The following PRKCH variants were observed in gnomAD, a reference collection of about 807,000 sequenced individuals.
PRKCH encodes the protein protein kinase C eta, also known as protein kinase C eta type.
Under a neutral mutation model 82.5 loss-of-function variants are expected in PRKCH, and 28 were observed. That is an observed-to-expected ratio of 0.34 (90% CI 0.25 to 0.47). The LOEUF (loss-of-function observed/expected upper bound fraction) is 0.47. PRKCH is among the 20% of genes least tolerant of loss of function. PRKCH has a pLI of 1.00. For synonymous variants in PRKCH, 322 were observed against 327.4 expected (o/e 0.98, Z 0.18); for missense variants, 705 against 881.8 (o/e 0.80, Z 2.54).
intron 1 of PRKCH, among the ~76,000 whole-genome samples, chr14:61,235,929 C>T (rs2044784124): frequency 1.3e-5 from 2 of 152,176 alleles, no homozygotes; most frequent in African/African-American, 4.8e-5. Flanking sequence ...ATGGACCCTT[C>T]CTCTCAGCTA....
At chr14:61,475,733 A>G (rs893394217) in intron 9 of PRKCH, among the ~76,000 whole-genome samples, 3 of 152,236 alleles carry the variant, frequency 2.0e-5, no homozygotes, top group Middle Eastern at 3.2e-3. Flanking sequence ...AGAGAAGTGT[A>G]TGTTTTTTAC....
In PRKCH at chr14:61,270,740, A is replaced by AG. The variant is rs745658525; in HGVS notation, c.-19+83074dup. ...GTAATCCCAGCACGTAGTGAGACTG[A>AG]GGAGGGAGGACTGCATAAACCCAGG... On this transcript the variant is annotated intron_variant, in intron 1 of 3. Coordinates refer to the PRKCH transcript ENST00000555185. Among the ~76,000 whole-genome samples, 23 of 152,354 alleles carry AG rather than the reference A, an allele frequency of 1.5e-4. No homozygotes were observed. The East Asian group carries it at 4.2e-3, about 28-fold the overall frequency.
rs369099760 is a variant in PRKCH, at chr14:61,349,800, G to A, written c.363+27336G>A. 3.3e-5 allele frequency among the ~76,000 whole-genome samples: 5 copies of A among 152,136 alleles called. No individual in the cohort carries two copies. The East Asian group carries it at 5.8e-4, about 18-fold the overall frequency. On this transcript the variant is annotated intron_variant, in intron 1 of 13. Transcript: ENST00000332981. ...TGCTTGAACCTGGGAGGCGGAGGCT[G>A]CAGTAAGCTGAGATCATGCCACTGC... is the stretch of plus-strand genomic sequence containing the variant.
chr14:61,361,354 A>G (rs2046222462), intron 1 of PRKCH, among the ~76,000 whole-genome samples: 1 of 152,202 alleles, frequency 6.6e-6, no homozygotes, highest in Non-Finnish European at 1.5e-5. Context: ...TTAAGAACAA[A>G]GGGTGTTTAT....
intron 10 of PRKCH, among the ~76,000 whole-genome samples, chr14:61,492,570 A>G (rs939304455): frequency 1.3e-5 from 2 of 152,242 alleles, no homozygotes; most frequent in Non-Finnish European, 2.9e-5. Context: ...TACAGCTGGC[A>G]TGAAGAGCAA....
At chr14:61,338,373 T>C (rs568398078) in intron 1 of PRKCH, among the ~76,000 whole-genome samples, 3 of 152,326 alleles carry the variant, frequency 2.0e-5, no homozygotes, top group African/African-American at 4.8e-5. Context: ...TTTTTTGGTG[T>C]GTGTGAGTTT....
At chr14:61,361,874 A>G (rs2046229482) in intron 1 of PRKCH, among the ~76,000 whole-genome samples, 1 of 152,218 alleles carries the variant, frequency 6.6e-6, no homozygotes, top group Admixed American at 6.5e-5. Flanking sequence ...AAGTTTTACC[A>G]TGCATATCTA....
Position 61,457,664 on chromosome 14 carries a change from C to T in PRKCH, c.1263C>T (p.Cys421=). 1 of 1,614,114 alleles carries T rather than the reference C, an allele frequency of 6.2e-7. No homozygotes were observed. Among genetic ancestry groups the T allele is most frequent in the Non-Finnish European group, 8.5e-7 (1 of 1,179,970 alleles). The stretch of plus-strand genomic sequence containing the variant: ...ACCCCTTCCTCACTCAGTTGTTCTG[C>T]TGCTTTCAGACCCCCGTAAGTATGA... ...RNHPFLTQLF[C]CFQTPDRLFF... The change falls in exon 9 of 14, where the codon TGC becomes TGT. Residue 421 remains cysteine (C), a synonymous_variant. Transcript: ENST00000332981.
At chr14:61,348,297 G>A (rs1351811967) in intron 1 of PRKCH, among the ~76,000 whole-genome samples, 1 of 152,128 alleles carries the variant, frequency 6.6e-6, no homozygotes, top group Non-Finnish European at 1.5e-5. Flanking sequence ...AAAATGCTCT[G>A]GGGGTGTGTG....
At chr14:61,326,244 G>A (rs150977471) in intron 1 of PRKCH, among the ~76,000 whole-genome samples, 163 of 152,256 alleles carry the variant, frequency 1.1e-3, no homozygotes, top group African/African-American at 3.8e-3. Flanking sequence ...CCATACAATG[G>A]AATATTACTC....
chr14:61,409,357 T>C (rs1274408026), intron 2 of PRKCH, among the ~76,000 whole-genome samples: 1 of 152,180 alleles, frequency 6.6e-6, no homozygotes, highest in Non-Finnish European at 1.5e-5. Flanking sequence ...TGGCCGATTC[T>C]TTCAGTACAG....
At chr14:61,364,205 T>C (rs1205320256) in intron 1 of PRKCH, among the ~76,000 whole-genome samples, 1 of 151,670 alleles carries the variant, frequency 6.6e-6, no homozygotes, top group African/African-American at 2.4e-5. Context: ...ATAGCTGAGA[T>C]AGCTAACCCA....
At chr14:61,531,597 C>G (rs181174456) in intron 12 of PRKCH, among the ~76,000 whole-genome samples, 22 of 152,272 alleles carry the variant, frequency 1.4e-4, no homozygotes, top group African/African-American at 4.8e-4. Context: ...TTGATTGTCC[C>G]TGAGAATTCT....
At chr14:61,299,642 T>C (rs1475285810) in intron 1 of PRKCH, 1 of 152,226 alleles carries the variant, frequency 6.6e-6, no homozygotes, top group East Asian at 1.9e-4. Flanking sequence ...ATTAGCTATC[T>C]ACTGTAATAG....
At chr14:61,237,470 G>A (rs1432577816) in intron 1 of PRKCH, among the ~76,000 whole-genome samples, 2 of 152,104 alleles carry the variant, frequency 1.3e-5, no homozygotes, top group Non-Finnish European at 2.9e-5. Context: ...AATTAACTAA[G>A]AGTCTGACAG....
chr14:61,324,276 G>A (rs8017122), intron 1 of PRKCH, among the ~76,000 whole-genome samples: 124,536 of 152,190 alleles, frequency 0.82, 52,736 homozygotes, highest in East Asian at 0.95. Flanking sequence ...TGAATATTCA[G>A]TGTAAATCAG....
At chr14:61,339,016 C>T (rs914733726) in intron 1 of PRKCH, among the ~76,000 whole-genome samples, 5 of 152,116 alleles carry the variant, frequency 3.3e-5, no homozygotes, top group African/African-American at 7.2e-5. Flanking sequence ...ATGATACTTA[C>T]GTTAAAAGGA....
intron 1 of PRKCH, among the ~76,000 whole-genome samples, chr14:61,374,005 A>G (rs2046397893): frequency 6.6e-6 from 1 of 152,172 alleles, no homozygotes; most frequent in Non-Finnish European, 1.5e-5. Flanking sequence ...CTGTAAAATC[A>G]AAAACAAGTT....
intron 1 of PRKCH, among the ~76,000 whole-genome samples, chr14:61,230,008 C>T (rs540056205): frequency 9.9e-5 from 15 of 152,222 alleles, no homozygotes; most frequent in Admixed American, 3.9e-4. Flanking sequence ...CTTTTTTCCT[C>T]TTTAAAAACT....
Sources: allele counts gnomAD v4.1 joint callset (sites outside exome capture counted in the v4.1 genomes callset), GRCh38; gene constraint gnomAD v4.1.1; transcripts MANE v1.5; gene names NCBI Gene and HGNC (gene_info 2026-07-23, HGNC 2026-07-21).